The following RNF180 variants were observed in gnomAD, a reference collection of about 807,000 sequenced individuals.
The protein encoded by RNF180 is E3 ubiquitin-protein ligase RNF180.
Under a neutral mutation model 59.2 loss-of-function variants are expected in RNF180, and 38 were observed. That is an observed-to-expected ratio of 0.64 (90% CI 0.50 to 0.84). The LOEUF is 0.84. Ranked by LOEUF, RNF180 falls within the 40% of genes least tolerant of loss-of-function variation. The probability of loss-of-function intolerance (pLI) is 0.00; values close to 1 mark genes in which losing one functional copy is unlikely to be tolerated. For missense variants in RNF180, 705 were observed against 700.9 expected (o/e 1.01, Z -0.07); for synonymous variants, 262 against 240.3 (o/e 1.09, Z -0.84).
intron 5 of RNF180, among the ~76,000 whole-genome samples, chr5:64,324,039 G>A (rs1310627506): frequency 5.3e-5 from 8 of 152,100 alleles, no homozygotes; most frequent in Non-Finnish European, 4.4e-5. Context: ...GACTTCAGGC[G>A]AAATAACACC....
intron 2 of RNF180, among the ~76,000 whole-genome samples, chr5:64,204,222 T>C (rs1751900000): frequency 6.6e-6 from 1 of 152,210 alleles, no homozygotes; most frequent in Admixed American, 6.5e-5. Context: ...GAAAGATCTC[T>C]AAAGTCTTTG....
At chr5:64,280,258 A>G (rs529849258) in intron 5 of RNF180, among the ~76,000 whole-genome samples, 28 of 152,144 alleles carry the variant, frequency 1.8e-4, no homozygotes, top group South Asian at 1.4e-3. Context: ...CTTCCATTCT[A>G]TAGATTGTCT....
At chr5:64,227,777 C>T (rs545647123) in intron 5 of RNF180, among the ~76,000 whole-genome samples, 1 of 152,264 alleles carries the variant, frequency 6.6e-6, no homozygotes, top group East Asian at 1.9e-4. Context: ...TTTGTTTGTA[C>T]ACTAAACTTT....
chr5:64,335,741 T>C (rs1745098583), intron 7 of RNF180, among the ~76,000 whole-genome samples: 1 of 152,106 alleles, frequency 6.6e-6, no homozygotes. Flanking sequence ...GTCTTGGCCA[T>C]TTTTTGGCCC....
At chr5:64,210,549 C>T (rs2112101663) in intron 2 of RNF180, among the ~76,000 whole-genome samples, 1 of 152,220 alleles carries the variant, frequency 6.6e-6, no homozygotes, top group Middle Eastern at 3.4e-3. Context: ...TGTTTGTTTT[C>T]ATGCAGTTTG....
intron 1 of RNF180, among the ~76,000 whole-genome samples, chr5:64,198,278 G>A (rs2079791766): frequency 6.6e-6 from 1 of 152,022 alleles, no homozygotes; most frequent in South Asian, 2.1e-4. Context: ...AACATGTCTG[G>A]CTAGTAGCTA....
At chr5:64,310,008 G>T (rs1317816025) in intron 5 of RNF180, among the ~76,000 whole-genome samples, 1 of 151,700 alleles carries the variant, frequency 6.6e-6, no homozygotes, top group Non-Finnish European at 1.5e-5. Flanking sequence ...CAGATTTGTT[G>T]TAGTGCCCTT....
At chr5:64,318,436 A>G (rs1374268168) in intron 5 of RNF180, among the ~76,000 whole-genome samples, 5 of 152,156 alleles carry the variant, frequency 3.3e-5, no homozygotes, top group Non-Finnish European at 7.4e-5. Flanking sequence ...AATGGCACAC[A>G]ATTTAAAACT....
chr5:64,304,716 A>G (rs1374501497), intron 5 of RNF180, among the ~76,000 whole-genome samples: 2 of 151,704 alleles, frequency 1.3e-5, no homozygotes, highest in Admixed American at 6.6e-5. Context: ...TGCTGTGAAC[A>G]TGGTTGAAAT....
At position 64,217,395 on chromosome 5, in the gene RNF180, T is replaced by C. The variant is rs1752687602; in HGVS notation, c.1226T>C (p.Met409Thr). The change falls in exon 5 of 8, where the codon ATG becomes ACG. Residue 409 changes from methionine (M) to threonine (T), a missense_variant and splice_region_variant. Coordinates refer to ENST00000389100, the MANE Select transcript of RNF180 (RefSeq NM_001113561.2). ...TCAGGAGTGGGATTGCTGGATCATATGGTAAGTATATATTTACTTATATGA... is the reference window on the plus strand; with the variant it reads ...TCAGGAGTGGGATTGCTGGATCATACGGTAAGTATATATTTACTTATATGA... ...KYSGVGLLDH[M>T]TLNNEMSTDE... 1 of 1,416,250 alleles carries C rather than the reference T, an allele frequency of 7.1e-7. No individual in the cohort carries two copies. Among genetic ancestry groups the C allele is most frequent in the Non-Finnish European group, 9.3e-7 (1 of 1,080,412 alleles). 87.7% of individuals were successfully genotyped at this position (1,416,250 alleles called of 1,614,324 possible).
chr5:64,185,465 CA>C (rs1350390469), intron 1 of RNF180, among the ~76,000 whole-genome samples: 3 of 151,994 alleles, frequency 2.0e-5, no homozygotes, highest in Non-Finnish European at 2.9e-5. Flanking sequence ...TATACTAGGA[CA>C]AGCATTTTGA....
At chr5:64,337,967 C>T (rs1019497342) in intron 7 of RNF180, among the ~76,000 whole-genome samples, 4 of 152,218 alleles carry the variant, frequency 2.6e-5, no homozygotes, top group South Asian at 2.1e-4. Flanking sequence ...AATAAACATA[C>T]GTATGCATGT....
chr5:64,176,900 A>G (rs1360714553), intron 1 of RNF180, among the ~76,000 whole-genome samples: 1 of 152,204 alleles, frequency 6.6e-6, no homozygotes, highest in Non-Finnish European at 1.5e-5. Flanking sequence ...TGAAGTATGG[A>G]CACATATTTT....
intron 5 of RNF180, among the ~76,000 whole-genome samples, chr5:64,239,140 A>G (rs974137205): frequency 3.9e-5 from 6 of 152,170 alleles, no homozygotes; most frequent in Non-Finnish European, 8.8e-5. Context: ...ACCCATGTAT[A>G]TGGTTCTCCC....
chr5:64,267,926 T>C (rs185413819), intron 5 of RNF180, among the ~76,000 whole-genome samples: 93 of 152,274 alleles, frequency 6.1e-4, no homozygotes, highest in African/African-American at 2.1e-3. Context: ...GTCTTCTACA[T>C]TTATCATTGA....
At position 64,370,238 on chromosome 5, in the gene RNF180, A is replaced by G. The variant is rs916502231; in HGVS notation, c.*424A>G. On this transcript the variant is annotated 3_prime_UTR_variant, in exon 8 of 8. Coordinates refer to ENST00000389100, the MANE Select transcript of RNF180 (RefSeq NM_001113561.2). ...ATCACCACTTATTCTCAGGCAAATT[A>G]TATGTATTAAAGATAAACCATATTC... is the stretch of plus-strand genomic sequence containing the variant. The G allele has an allele frequency of 2.6e-5, 4 of 153,174 alleles. No individual in the cohort carries two copies. Among genetic ancestry groups the G allele is most frequent in the South Asian group, 2.0e-4 (1 of 4,956 alleles). 9.5% of individuals were successfully genotyped at this position (153,174 alleles called of 1,614,324 possible).
chr5:64,182,136 G>A (rs571214444), intron 1 of RNF180, among the ~76,000 whole-genome samples: 47 of 151,692 alleles, frequency 3.1e-4, no homozygotes, highest in Admixed American at 6.6e-4. Context: ...GACTACAGGC[G>A]CCCACCACCA....
At chr5:64,252,669 C>A (rs961971012) in intron 5 of RNF180, among the ~76,000 whole-genome samples, 1 of 152,004 alleles carries the variant, frequency 6.6e-6, no homozygotes, top group African/African-American at 2.4e-5. Context: ...GACAGCTGCC[C>A]AGAATGTAGT....
At chr5:64,327,483 C>T (rs1379455893) in intron 6 of RNF180, among the ~76,000 whole-genome samples, 1 of 152,040 alleles carries the variant, frequency 6.6e-6, no homozygotes, top group Non-Finnish European at 1.5e-5. Context: ...TATTATATTT[C>T]TATTTTCACT....
Sources: gnomAD v4.1 joint callset for allele counts (sites outside exome capture counted in the v4.1 genomes callset) on GRCh38, gnomAD v4.1.1 for gene constraint, MANE v1.5 for transcripts, NCBI Gene and HGNC (gene_info 2026-07-23, HGNC 2026-07-21) for gene names.